Variants in FAM78B observed in about 807,000 individuals in gnomAD.
FAM78B encodes protein FAM78B.
A neutral mutation model predicts 20.0 loss-of-function variants in FAM78B; 10 were observed. The ratio of observed to expected loss-of-function variants is 0.50; its 90% CI spans 0.31 to 0.85. The LOEUF is 0.85. Ranked by LOEUF, FAM78B falls within the 40% of genes least tolerant of loss-of-function variation. The pLI, the probability that FAM78B is intolerant of heterozygous loss-of-function variation, is 0.05. For synonymous variants in FAM78B, 135 were observed against 132.8 expected, an observed-to-expected ratio of 1.02 and a Z score of -0.12; for missense variants, 283 against 345.0, an observed-to-expected ratio of 0.82 and a Z score of 1.42.
At chr1:166,069,227 A>G (rs377691298), downstream of FAM78B, among the ~76,000 whole-genome samples, 31 of 151,762 alleles carry the variant, frequency 2.0e-4, no homozygotes, top group Non-Finnish European at 3.8e-4. Flanking sequence ...GCATGTGTGC[A>G]TGTGTGTGTG....
At chr1:166,130,430 A>G (rs1398849455) in intron 1 of FAM78B, among the ~76,000 whole-genome samples, 2 of 152,204 alleles carry the variant, frequency 1.3e-5, no homozygotes, top group African/African-American at 4.8e-5. Flanking sequence ...TATTTAATGT[A>G]TCCTGCTAAT....
At position 166,086,701 on chromosome 1, in the gene FAM78B, G is replaced by T. The variant is rs558513898; in HGVS notation, c.264-15938C>A. Among the ~76,000 whole-genome samples the T allele has an allele frequency of 4.6e-5, 7 of 152,298 alleles. No individual in the cohort carries two copies. The East Asian group carries it at 1.2e-3, about 25-fold the overall frequency. On this transcript the variant is annotated intron_variant, in intron 1 of 1. Transcript: ENST00000354422. ...TCCGGCAGCAGCTGAGCTGGGGCAG[G>T]AGATATAAAGATGCTGGCAGCTGAG...
rs1168083232 is a variant in FAM78B, at chr1:166,109,878, ATATG to A, written c.264-39119_264-39116del. Among the ~76,000 whole-genome samples the A allele has an allele frequency of 4.9e-4, 8 of 16,464 alleles. 1 individual carries two copies. The highest frequency in any genetic ancestry group is 1.4e-3 in the African/African-American group (6 of 4,410). The allele number at this position is 16,464 out of a possible 152,430, so 10.8% of individuals were successfully genotyped here. On this transcript the variant is annotated intron_variant, in intron 1 of 1. Coordinates refer to ENST00000354422, the MANE Select transcript of FAM78B (RefSeq NM_001017961.5). ...TATATATATGTATGTGTATATATAT[ATATG>A]TATATATGTATATATATATATATAT...
intron 1 of FAM78B, among the ~76,000 whole-genome samples, chr1:166,131,054 C>T (rs978677267): frequency 6.9e-6 from 1 of 145,236 alleles, no homozygotes; most frequent in Non-Finnish European, 1.5e-5. Context: ...TGCAGTGGTG[C>T]AATCTTGGCT....
chr1:166,066,933 AG>A (rs1651815752), downstream of FAM78B, among the ~76,000 whole-genome samples: 1 of 150,514 alleles, frequency 6.6e-6, no homozygotes, highest in Admixed American at 6.7e-5. Flanking sequence ...GCAATGACCC[AG>A]GAATGTAAAC....
At chr1:166,131,568 G>A (rs1490499922) in intron 1 of FAM78B, among the ~76,000 whole-genome samples, 2 of 152,144 alleles carry the variant, frequency 1.3e-5, no homozygotes, top group African/African-American at 2.4e-5. Flanking sequence ...GTGTGTCTGT[G>A]AGAAGACCTA....
chr1:166,099,918 C>A (rs908656509), intron 1 of FAM78B, among the ~76,000 whole-genome samples: 2 of 152,084 alleles, frequency 1.3e-5, no homozygotes, highest in African/African-American at 2.4e-5. Flanking sequence ...TACCTTGGAA[C>A]AAACGGAATT....
intron 1 of FAM78B, among the ~76,000 whole-genome samples, chr1:166,091,461 TG>T (rs1653069832): frequency 6.6e-6 from 1 of 152,212 alleles, no homozygotes; most frequent in South Asian, 2.1e-4. Flanking sequence ...TCTTTTTGCC[TG>T]CTGCCATCCA....
At chr1:166,067,444 T>G (rs1651836151), downstream of FAM78B, among the ~76,000 whole-genome samples, 1 of 151,954 alleles carries the variant, frequency 6.6e-6, no homozygotes, top group Admixed American at 6.6e-5. Context: ...CAACTAAAAC[T>G]TAATCAAGGC....
chr1:166,165,083 C>T (rs1176981796), intron 1 of FAM78B: 2 of 152,214 alleles, frequency 1.3e-5, no homozygotes, highest in Admixed American at 1.3e-4. Flanking sequence ...GATCCTTGGT[C>T]TTCACCGCAG....
chr1:166,094,725 A>G (rs1397720503), intron 1 of FAM78B, among the ~76,000 whole-genome samples: 1 of 152,216 alleles, frequency 6.6e-6, no homozygotes, highest in Non-Finnish European at 1.5e-5. Flanking sequence ...TTCTGGACGG[A>G]GCCCTGAAAA....
intron 1 of FAM78B, among the ~76,000 whole-genome samples, chr1:166,108,032 A>G (rs949063035): frequency 6.6e-6 from 1 of 152,208 alleles, no homozygotes; most frequent in African/African-American, 2.4e-5. Flanking sequence ...CCCACAGCCA[A>G]CATAATACTG....
At chr1:166,120,109 T>C (rs1654412976) in intron 1 of FAM78B, among the ~76,000 whole-genome samples, 1 of 152,246 alleles carries the variant, frequency 6.6e-6, no homozygotes, top group Non-Finnish European at 1.5e-5. Context: ...GAATCAAAGA[T>C]AAATAAAGTC....
chr1:166,111,672 G>C (rs769074654), intron 1 of FAM78B, among the ~76,000 whole-genome samples: 1 of 152,212 alleles, frequency 6.6e-6, no homozygotes, highest in South Asian at 2.1e-4. Context: ...ACTGTCAAGT[G>C]GTAAGTGGAC....
chr1:166,137,465 A>G (rs1655109138), intron 1 of FAM78B, among the ~76,000 whole-genome samples: 1 of 151,846 alleles, frequency 6.6e-6, no homozygotes, highest in Non-Finnish European at 1.5e-5. Context: ...AGTAGCTGAT[A>G]TGTGAACCCA....
At chr1:166,081,862 G>A (rs1652594211) in intron 1 of FAM78B, among the ~76,000 whole-genome samples, 1 of 152,170 alleles carries the variant, frequency 6.6e-6, no homozygotes, top group Non-Finnish European at 1.5e-5. Flanking sequence ...TCCAGGTGGC[G>A]AGCACAGAGA....
At chr1:166,157,656 T>C (rs1655961992) in intron 1 of FAM78B, among the ~76,000 whole-genome samples, 1 of 152,134 alleles carries the variant, frequency 6.6e-6, no homozygotes, top group Non-Finnish European at 1.5e-5. Context: ...CACCACCAGA[T>C]GGGAATCCTT....
chr1:166,134,733 C>T (rs537040882), intron 1 of FAM78B, among the ~76,000 whole-genome samples: 113 of 152,168 alleles, frequency 7.4e-4, no homozygotes, highest in African/African-American at 2.6e-3. Flanking sequence ...GGGATCCATT[C>T]GTAACGATAA....
intron 1 of FAM78B, among the ~76,000 whole-genome samples, chr1:166,158,820 C>G (rs777689283): frequency 2.0e-5 from 3 of 152,242 alleles, no homozygotes; most frequent in Non-Finnish European, 4.4e-5. Context: ...CCAATCCCTT[C>G]CACGGACCCT....
Sources: allele counts gnomAD v4.1 joint callset (sites outside exome capture counted in the v4.1 genomes callset), GRCh38; gene constraint gnomAD v4.1.1; transcripts MANE v1.5; gene names NCBI Gene and HGNC (gene_info 2026-07-23, HGNC 2026-07-21).